The following FMNL2 variants were observed in gnomAD, a reference collection of about 807,000 sequenced individuals.
FMNL2 encodes the protein formin-like protein 2.
A neutral mutation model predicts 130.2 loss-of-function variants in FMNL2; 51 were observed. The ratio of observed to expected loss-of-function variants is 0.39; its 90% CI spans 0.31 to 0.49. The LOEUF (loss-of-function observed/expected upper bound fraction) is 0.49, where lower values mean the gene tolerates loss of function less well. Among genes scored for constraint, FMNL2 ranks in the 20% least tolerant of loss-of-function variants. FMNL2 has a pLI of 0.85. For synonymous variants in FMNL2, 465 were observed against 467.1 expected, an observed-to-expected ratio of 1.00 and a Z score of 0.06; for missense variants, 977 against 1,316.2, an observed-to-expected ratio of 0.74 and a Z score of 3.99.
rs1685058507 is a variant in FMNL2, at chr2:152,390,637, C to A, written c.117+54917C>A. On this transcript the variant is annotated intron_variant, in intron 1 of 25. Transcript: ENST00000288670. ...TTTTCCAAGGCCAAATTCAACTAGC[C>A]CGTGCTTTTTCCTCCCTGAACTCTT... The A allele has an allele frequency of 4.3e-6, 4 of 921,206 alleles. No homozygotes were observed. The East Asian group carries it at 7.2e-5, about 17-fold the overall frequency. The allele number at this position is 921,206 out of a possible 1,614,324, so 57.1% of individuals were successfully genotyped here.
intron 1 of FMNL2, among the ~76,000 whole-genome samples, chr2:152,417,618 A>G (rs1393481470): frequency 6.6e-6 from 1 of 152,188 alleles, no homozygotes; most frequent in Non-Finnish European, 1.5e-5. Context: ...GCAAAAGATC[A>G]GAAGGAAGAA....
At chr2:152,527,324 T>C (rs559728143) in intron 2 of FMNL2, among the ~76,000 whole-genome samples, 1 of 152,342 alleles carries the variant, frequency 6.6e-6, no homozygotes, top group Non-Finnish European at 1.5e-5. Context: ...TTTCCCCTTG[T>C]GCTGGAGAGA....
intron 1 of FMNL2, chr2:152,390,680 A>G: frequency 1.3e-6 from 1 of 777,494 alleles, no homozygotes. Context: ...AGCTACAACC[A>G]TCCAACCTTC....
intron 6 of FMNL2, among the ~76,000 whole-genome samples, chr2:152,568,738 A>C (rs1266815179): frequency 6.6e-6 from 1 of 152,120 alleles, no homozygotes; most frequent in Non-Finnish European, 1.5e-5. Flanking sequence ...TGAAACCATC[A>C]GATCTCTTGA....
At chr2:152,599,997 C>T (rs1697967048) in intron 9 of FMNL2, among the ~76,000 whole-genome samples, 1 of 152,202 alleles carries the variant, frequency 6.6e-6, no homozygotes, top group African/African-American at 2.4e-5. Context: ...TTGACAGCCA[C>T]AGAACACCCC....
intron 1 of FMNL2, among the ~76,000 whole-genome samples, chr2:152,346,966 C>T (rs1682159721): frequency 6.6e-6 from 1 of 152,050 alleles, no homozygotes; most frequent in South Asian, 2.1e-4. Flanking sequence ...TGGCACACAC[C>T]TGTAGTCCCA....
At chr2:152,472,050 C>G (rs1221328978) in intron 1 of FMNL2, among the ~76,000 whole-genome samples, 1 of 152,156 alleles carries the variant, frequency 6.6e-6, no homozygotes, top group Non-Finnish European at 1.5e-5. Context: ...AGCTTTCTTT[C>G]AAATGCAAAA....
intron 3 of FMNL2, among the ~76,000 whole-genome samples, chr2:152,547,183 TC>T (rs1694693107): frequency 6.6e-6 from 1 of 152,174 alleles, no homozygotes; most frequent in Non-Finnish European, 1.5e-5. Context: ...CCTCAGGTGA[TC>T]CACCCACCTT....
chr2:152,540,569 A>G (rs1694253862), intron 2 of FMNL2, among the ~76,000 whole-genome samples: 1 of 151,842 alleles, frequency 6.6e-6, no homozygotes, highest in Non-Finnish European at 1.5e-5. Flanking sequence ...CATTCCCCCT[A>G]TTTTCAAGGA....
rs1471254215 is a variant in FMNL2, at chr2:152,648,292, A to AGAT, written c.*389_*391dup. ...TGCATCTGCTGTGGGTCCTTTGCTG[A>AGAT]GATGTCTTCGAAGGAATTTTGTTTT... is the stretch of plus-strand genomic sequence containing the variant. On this transcript the variant is annotated 3_prime_UTR_variant, in exon 26 of 26. Transcript: ENST00000288670. The AGAT allele has an allele frequency of 3.0e-5, 5 of 169,122 alleles. No homozygotes were observed. Among genetic ancestry groups the AGAT allele is most frequent in the African/African-American group, 1.2e-4 (5 of 41,992 alleles). 10.5% of individuals were successfully genotyped at this position (169,122 alleles called of 1,614,324 possible).
intron 1 of FMNL2, among the ~76,000 whole-genome samples, chr2:152,375,180 G>C (rs2105874347): frequency 6.6e-6 from 1 of 152,342 alleles, no homozygotes; most frequent in South Asian, 2.1e-4. Context: ...TTTTCATGGA[G>C]GAAGATCATT....
chr2:152,447,769 C>T (rs1046101353), intron 1 of FMNL2, among the ~76,000 whole-genome samples: 4 of 152,096 alleles, frequency 2.6e-5, no homozygotes, highest in Admixed American at 1.3e-4. Context: ...CTTCCCTTTC[C>T]TCCAGTGATT....
chr2:152,523,088 G>A, intron 2 of FMNL2, among the ~76,000 whole-genome samples: 1 of 152,088 alleles, frequency 6.6e-6, no homozygotes, highest in East Asian at 1.9e-4. Flanking sequence ...TAAGCATATA[G>A]CATGGATATA....
intron 1 of FMNL2, among the ~76,000 whole-genome samples, chr2:152,510,138 A>C (rs1448781099): frequency 6.6e-6 from 1 of 152,244 alleles, no homozygotes; most frequent in South Asian, 2.1e-4. Flanking sequence ...ACCACGTACA[A>C]ATAGATAATG....
intron 23 of FMNL2, among the ~76,000 whole-genome samples, chr2:152,638,673 C>A (rs1260949346): frequency 1.3e-5 from 2 of 152,170 alleles, no homozygotes; most frequent in Non-Finnish European, 2.9e-5. Context: ...AAACACAGCA[C>A]AAACTCCGTG....
Position 152,602,757 on chromosome 2 carries a change from G to T in FMNL2, c.877-4582G>T, listed in dbSNP as rs139450150. 2.6e-3 allele frequency among the ~76,000 whole-genome samples: 399 copies of T among 152,302 alleles called. 2 individuals are homozygous for T. The highest frequency in any genetic ancestry group is 9.4e-3 in the African/African-American group (389 of 41,552). ...ATGTACACGTGCAAATATGCTCCTG[G>T]CTCTTAGAAACGTTTTGATGAAGCG... On this transcript the variant is annotated intron_variant, in intron 9 of 25. Coordinates refer to ENST00000288670, the MANE Select transcript of FMNL2 (RefSeq NM_052905.4).
chr2:152,631,975 T>C, intron 20 of FMNL2, 33 bp from the exon 21 acceptor site: 2 of 1,601,610 alleles, frequency 1.2e-6, no homozygotes, highest in African/African-American at 1.3e-5. Context: ...CCCTTTACTC[T>C]TGTACCTAAC....
At chr2:152,337,179 C>T (rs1277527322) in intron 1 of FMNL2, among the ~76,000 whole-genome samples, 2 of 152,150 alleles carry the variant, frequency 1.3e-5, no homozygotes, top group African/African-American at 2.4e-5. Flanking sequence ...CCCACAGCTG[C>T]TCCCACCGTT....
At chr2:152,359,447 A>C (rs978706488) in intron 1 of FMNL2, among the ~76,000 whole-genome samples, 3 of 149,656 alleles carry the variant, frequency 2.0e-5, no homozygotes, top group African/African-American at 7.4e-5. Flanking sequence ...TCATCATTTA[A>C]TTTCACAGTT....
Sources: gnomAD v4.1 joint callset for allele counts (sites outside exome capture counted in the v4.1 genomes callset) on GRCh38, gnomAD v4.1.1 for gene constraint, MANE v1.5 for transcripts, NCBI Gene and HGNC (gene_info 2026-07-23, HGNC 2026-07-21) for gene names.